The following CDH13 variants were observed in gnomAD, a reference collection of about 807,000 sequenced individuals.
CDH13 encodes cadherin 13, also known as cadherin-13.
CDH13 carries 24 observed loss-of-function variants against 63.8 expected under a neutral mutation model. The observed-to-expected ratio is 0.38, with a 90% confidence interval of 0.27 to 0.53. The LOEUF is 0.53. CDH13 is among the 20% of genes least tolerant of loss of function. CDH13 has a pLI of 0.85. For synonymous variants in CDH13, 503 were observed against 355.3 expected, an observed-to-expected ratio of 1.42 and a Z score of -4.67; for missense variants, 1,049 against 903.1, an observed-to-expected ratio of 1.16 and a Z score of -2.07.
At chr16:82,731,845 C>T (rs2033419622) in intron 1 of CDH13, among the ~76,000 whole-genome samples, 2 of 152,172 alleles carry the variant, frequency 1.3e-5, no homozygotes, top group African/African-American at 4.8e-5. Flanking sequence ...TGTGCCTGGA[C>T]ATGCCTATAT....
chr16:83,049,537 G>A (rs8046104), intron 3 of CDH13, among the ~76,000 whole-genome samples: 95,759 of 151,724 alleles, frequency 0.63, 30,462 homozygotes, highest in East Asian at 0.83. Flanking sequence ...GGGTTTCACC[G>A]TGTTAGCCAG....
chr16:83,487,308 C>T (rs561268189), intron 7 of CDH13, among the ~76,000 whole-genome samples: 10 of 152,288 alleles, frequency 6.6e-5, no homozygotes, highest in Admixed American at 4.6e-4. Flanking sequence ...TTAGATTTCA[C>T]GTTTCTGTTT....
chr16:83,205,660 A>C (rs1031601502), intron 4 of CDH13, among the ~76,000 whole-genome samples: 3 of 141,652 alleles, frequency 2.1e-5, no homozygotes, highest in African/African-American at 8.0e-5. Context: ...GCTGGAGTGC[A>C]GTGACGTGAT....
At chr16:82,639,389 TC>T (rs1324678848) in intron 1 of CDH13, 2 of 1,535,406 alleles carry the variant, frequency 1.3e-6, no homozygotes, top group Non-Finnish European at 1.7e-6. Flanking sequence ...ACTGCATGGT[TC>T]CCCCAGCAAG....
chr16:82,645,367 C>T (rs545607268), intron 1 of CDH13, among the ~76,000 whole-genome samples: 82 of 152,310 alleles, frequency 5.4e-4, no homozygotes, highest in Non-Finnish European at 3.7e-4. Flanking sequence ...GACGTCTATC[C>T]GTGGTGCTTG....
intron 6 of CDH13, among the ~76,000 whole-genome samples, chr16:83,419,671 C>G (rs944788420): frequency 1.3e-5 from 2 of 152,190 alleles, no homozygotes; most frequent in Non-Finnish European, 2.9e-5. Flanking sequence ...GCCCAAACCC[C>G]GCAGTATTAT....
intron 3 of CDH13, among the ~76,000 whole-genome samples, chr16:83,043,297 A>G (rs1464967471): frequency 2.0e-5 from 3 of 152,204 alleles, no homozygotes; most frequent in African/African-American, 7.2e-5. Flanking sequence ...AACTGATCCC[A>G]TAGAAAGTAT....
Position 83,404,856 on chromosome 16 carries a change from T to A in CDH13, c.781+59850T>A, listed in dbSNP as rs566593084. Among the ~76,000 whole-genome samples, 5 of 152,234 alleles carry A rather than the reference T, an allele frequency of 3.3e-5. No individual in the cohort carries two copies. In the South Asian group the frequency reaches 1.0e-3, roughly 31 times the overall value. On this transcript the variant is annotated intron_variant, in intron 6 of 13. Coordinates refer to ENST00000567109, the MANE Select transcript of CDH13 (RefSeq NM_001257.5). Reference sequence around the variant, plus strand: ...GATCTGTCGGACGCCGTGTATATAGTTCTTCCTCATTCTCTTTAATGGCTA... The same window carrying A: ...GATCTGTCGGACGCCGTGTATATAGATCTTCCTCATTCTCTTTAATGGCTA...
At chr16:82,737,418 C>A (rs151122416) in intron 1 of CDH13, among the ~76,000 whole-genome samples, 3 of 152,300 alleles carry the variant, frequency 2.0e-5, no homozygotes, top group Non-Finnish European at 4.4e-5. Context: ...TGTGTGATAC[C>A]ACAGCGTCTG....
At chr16:83,585,728 A>T (rs1441577943) in intron 7 of CDH13, among the ~76,000 whole-genome samples, 2 of 152,058 alleles carry the variant, frequency 1.3e-5, no homozygotes, top group African/African-American at 4.8e-5. Flanking sequence ...AGGAGTGGCA[A>T]CCTACCAAAA....
chr16:82,847,210 G>C (rs1422411202), intron 1 of CDH13, among the ~76,000 whole-genome samples: 1 of 152,206 alleles, frequency 6.6e-6, no homozygotes, highest in Non-Finnish European at 1.5e-5. Context: ...GACTGCATTA[G>C]TTCCCAATGG....
chr16:83,210,699 C>G (rs2039313931), intron 4 of CDH13, among the ~76,000 whole-genome samples: 2 of 151,836 alleles, frequency 1.3e-5, no homozygotes, highest in Non-Finnish European at 2.9e-5. Flanking sequence ...TCTGATACTT[C>G]AAATTCATTT....
intron 2 of CDH13, among the ~76,000 whole-genome samples, chr16:82,866,741 G>A (rs2040162000): frequency 6.6e-6 from 1 of 152,098 alleles, no homozygotes; most frequent in Non-Finnish European, 1.5e-5. Flanking sequence ...ATGGTGGAAG[G>A]CAGAGAGAAA....
intron 1 of CDH13, among the ~76,000 whole-genome samples, chr16:82,768,435 C>T (rs1888131309): frequency 6.6e-6 from 1 of 152,154 alleles, no homozygotes; most frequent in South Asian, 2.1e-4. Flanking sequence ...GTCAACCTGG[C>T]CTTCCCAAGG....
At chr16:83,439,590 G>T (rs1001028040) in intron 6 of CDH13, among the ~76,000 whole-genome samples, 8 of 152,220 alleles carry the variant, frequency 5.3e-5, no homozygotes, top group African/African-American at 9.7e-5. Context: ...GCCGTAATTG[G>T]CAAAGAAGCA....
chr16:83,198,322 TACACACACAC>T (rs10547222), intron 4 of CDH13, among the ~76,000 whole-genome samples: 16 of 144,524 alleles, frequency 1.1e-4, no homozygotes, highest in South Asian at 1.1e-3. Flanking sequence ...CACACACATG[TACACACACAC>T]ACACACACAC....
intron 6 of CDH13, among the ~76,000 whole-genome samples, chr16:83,411,915 G>C (rs2092132694): frequency 6.6e-6 from 1 of 152,186 alleles, no homozygotes; most frequent in Admixed American, 6.5e-5. Flanking sequence ...ACACGAGCTT[G>C]TAATTGCATG....
intron 1 of CDH13, among the ~76,000 whole-genome samples, chr16:82,645,294 G>A (rs552190690): frequency 7.9e-5 from 12 of 152,128 alleles, no homozygotes; most frequent in Non-Finnish European, 1.6e-4. Context: ...AGATTCCACT[G>A]GGTTTTCAAC....
At chr16:82,990,453 G>T (rs7193416) in intron 2 of CDH13, among the ~76,000 whole-genome samples, 21,890 of 151,948 alleles carry the variant, frequency 0.14, 1,933 homozygotes, top group Non-Finnish European at 0.2. Context: ...CTGGACTTAC[G>T]TTCAGGATTT....
Sources: allele counts gnomAD v4.1 joint callset (sites outside exome capture counted in the v4.1 genomes callset), GRCh38; gene constraint gnomAD v4.1.1; transcripts MANE v1.5; gene names NCBI Gene and HGNC (gene_info 2026-07-23, HGNC 2026-07-21).